The following RAPGEF4 variants were observed in gnomAD, a reference collection of about 807,000 sequenced individuals.
RAPGEF4 encodes the protein Rap guanine nucleotide exchange factor 4.
In RAPGEF4, 66 loss-of-function variants were observed where a neutral mutation model predicts 147.9. The ratio of observed to expected loss-of-function variants is 0.45; its 90% CI spans 0.37 to 0.55. The LOEUF (loss-of-function observed/expected upper bound fraction) is 0.55. Ranked by LOEUF, RAPGEF4 falls within the 20% of genes least tolerant of loss-of-function variation. The pLI is 0.00. For missense variants in RAPGEF4, 1,071 were observed against 1,257.3 expected (o/e 0.85, Z 2.24); for synonymous variants, 419 against 442.7 (o/e 0.95, Z 0.67).
chr2:172,824,346 T>A (rs1323144598), intron 4 of RAPGEF4, among the ~76,000 whole-genome samples: 1 of 152,220 alleles, frequency 6.6e-6, no homozygotes, highest in East Asian at 1.9e-4. Flanking sequence ...CAGCCAGGGC[T>A]GAGAACCCCT....
At chr2:172,912,335 C>T (rs1032623188) in intron 4 of RAPGEF4, among the ~76,000 whole-genome samples, 1 of 152,188 alleles carries the variant, frequency 6.6e-6, no homozygotes, top group East Asian at 1.9e-4. Context: ...TTTGCATAAG[C>T]CTTTTCCTAC....
chr2:172,893,596 A>G (rs977990481), intron 4 of RAPGEF4, among the ~76,000 whole-genome samples: 5 of 152,088 alleles, frequency 3.3e-5, no homozygotes, highest in East Asian at 1.9e-4. Context: ...TATGAATTCA[A>G]TTTTTTGTTT....
intron 4 of RAPGEF4, among the ~76,000 whole-genome samples, chr2:172,912,126 CAT>C (rs1313588962): frequency 1.3e-5 from 2 of 152,294 alleles, no homozygotes; most frequent in South Asian, 4.1e-4. Flanking sequence ...TTTCATAAAA[CAT>C]ATTCTGTGTT....
chr2:172,871,124 G>T (rs190447611), intron 4 of RAPGEF4, among the ~76,000 whole-genome samples: 1 of 152,070 alleles, frequency 6.6e-6, no homozygotes, highest in African/African-American at 2.4e-5. Context: ...CTCCTCATAG[G>T]GTTGTTCCAT....
chr2:173,027,045 A>G, intron 24 of RAPGEF4, 36 bp from the exon 25 acceptor site: 1 of 1,539,806 alleles, frequency 6.5e-7, no homozygotes, highest in Non-Finnish European at 8.7e-7. Flanking sequence ...TTGATTTAAA[A>G]AAAAATAAGC....
At chr2:172,829,802 T>C (rs1690091489) in intron 4 of RAPGEF4, among the ~76,000 whole-genome samples, 1 of 148,962 alleles carries the variant, frequency 6.7e-6, no homozygotes. Context: ...ATATTATATA[T>C]AATATAATAA....
intron 4 of RAPGEF4, among the ~76,000 whole-genome samples, chr2:172,833,651 G>C (rs1391342842): frequency 1.3e-5 from 2 of 152,156 alleles, no homozygotes; most frequent in Non-Finnish European, 2.9e-5. Flanking sequence ...GAGATTATAA[G>C]AACACTTTGT....
At chr2:172,895,296 A>T (rs899572991) in intron 4 of RAPGEF4, among the ~76,000 whole-genome samples, 1 of 152,170 alleles carries the variant, frequency 6.6e-6, no homozygotes, top group Non-Finnish European at 1.5e-5. Flanking sequence ...GGATTTAATT[A>T]AAAGTTTGGC....
At chr2:172,763,461 A>G (rs1696533849) in intron 1 of RAPGEF4, among the ~76,000 whole-genome samples, 1 of 152,200 alleles carries the variant, frequency 6.6e-6, no homozygotes, top group Non-Finnish European at 1.5e-5. Flanking sequence ...ATCAGATCAG[A>G]CTTTGAGAAC....
At chr2:172,904,927 T>C (rs546392595) in intron 4 of RAPGEF4, among the ~76,000 whole-genome samples, 80 of 152,188 alleles carry the variant, frequency 5.3e-4, no homozygotes, top group Middle Eastern at 6.8e-3. Flanking sequence ...TCCTGTCACA[T>C]GAGGATGATG....
At chr2:172,897,771 T>TTATTTTATTTTATTTATTG in intron 4 of RAPGEF4, among the ~76,000 whole-genome samples, 1 of 151,978 alleles carries the variant, frequency 6.6e-6, no homozygotes, top group Non-Finnish European at 1.5e-5. Context: ...TTTATTTATT[T>TTATTTTATTTTATTTATTG]TATAGAGCAA....
intron 17 of RAPGEF4, among the ~76,000 whole-genome samples, chr2:173,010,057 C>T (rs879115919): frequency 1.3e-5 from 2 of 152,130 alleles, no homozygotes; most frequent in Admixed American, 1.3e-4. Flanking sequence ...CCAAGAATTC[C>T]TTTGATAAAT....
chr2:173,037,013 G>T (rs1295253313), intron 29 of RAPGEF4, among the ~76,000 whole-genome samples: 1 of 152,144 alleles, frequency 6.6e-6, no homozygotes, highest in Non-Finnish European at 1.5e-5. Context: ...AACGTTTGTG[G>T]AGCTAGACTG....
At position 172,983,577 on chromosome 2, in the gene RAPGEF4, C is replaced by A. The variant is rs750490164; in HGVS notation, c.1086C>A (p.Thr362=). The change falls in exon 11 of 31, where the codon ACC becomes ACA. Residue 362 remains threonine, a synonymous_variant. Coordinates refer to ENST00000397081, the MANE Select transcript of RAPGEF4 (RefSeq NM_007023.4). The part of the protein sequence containing the change: ...LHIKALSHLS[T]TVKRELAGVL... ...TTAAAGCCTTATCCCATCTTTCTACCACAGTAAGTTGTCTCTTAGTTTAGC... is the reference window on the plus strand; with the variant it reads ...TTAAAGCCTTATCCCATCTTTCTACAACAGTAAGTTGTCTCTTAGTTTAGC... 6.2e-7 allele frequency: 1 copy of A among 1,613,514 alleles called. No individual in the cohort carries two copies. Among genetic ancestry groups the A allele is most frequent in the Non-Finnish European group, 8.5e-7 (1 of 1,179,884 alleles).
chr2:172,858,015 C>A (rs908407876), intron 4 of RAPGEF4, among the ~76,000 whole-genome samples: 1 of 149,914 alleles, frequency 6.7e-6, no homozygotes, highest in Non-Finnish European at 1.5e-5. Context: ...GTAATATCCA[C>A]AGTAATGTAA....
chr2:172,863,803 C>T (rs1694299910), intron 4 of RAPGEF4, among the ~76,000 whole-genome samples: 1 of 152,134 alleles, frequency 6.6e-6, no homozygotes, highest in Admixed American at 6.5e-5. Context: ...TATTTAGGCT[C>T]CTTTTCAAAA....
At chr2:173,035,258 C>T (rs951476385) in intron 27 of RAPGEF4, among the ~76,000 whole-genome samples, 2 of 151,860 alleles carry the variant, frequency 1.3e-5, no homozygotes, top group African/African-American at 2.4e-5. Flanking sequence ...CCTATAATCC[C>T]AGCACTTTGG....
chr2:172,833,435 T>G (rs1269427400), intron 4 of RAPGEF4, among the ~76,000 whole-genome samples: 3 of 152,116 alleles, frequency 2.0e-5, no homozygotes, highest in Non-Finnish European at 4.4e-5. Context: ...CAATTTTCAC[T>G]CTCCACAACA....
chr2:172,988,317 A>C, intron 13 of RAPGEF4, 45 bp downstream of exon 13: 3 of 1,575,816 alleles, frequency 1.9e-6, no homozygotes, highest in Non-Finnish European at 2.6e-6. Flanking sequence ...CGCTCCACTT[A>C]CTAGTGTGGC....
Sources: gnomAD v4.1 joint callset for allele counts (sites outside exome capture counted in the v4.1 genomes callset) on GRCh38, gnomAD v4.1.1 for gene constraint, MANE v1.5 for transcripts, NCBI Gene and HGNC (gene_info 2026-07-23, HGNC 2026-07-21) for gene names.